Variants in SLC27A2 observed in about 807,000 individuals in gnomAD.
SLC27A2 encodes the protein long-chain fatty acid transport protein 2.
SLC27A2 carries 54 observed loss-of-function variants against 60.0 expected under a neutral mutation model. The ratio of observed to expected loss-of-function variants is 0.90; its 90% CI spans 0.72 to 1.13. The LOEUF (loss-of-function observed/expected upper bound fraction) is 1.13, where lower values mean the gene tolerates loss of function less well. Among genes scored for constraint, SLC27A2 ranks in the 50% most tolerant of loss-of-function variants. SLC27A2 has a pLI of 0.00. For synonymous variants in SLC27A2, 297 were observed against 297.6 expected (o/e 1.00, Z 0.02); for missense variants, 739 against 777.6 (o/e 0.95, Z 0.59).
rs570201343 is a variant in SLC27A2 at position 50,228,124 on chromosome 15, T to G, written c.1458-821T>G. ...CAGGCGTGGTGGCTAACGCCTGTAATCCCAGCAGTTTGGGAGGCCGAGGCG... is the reference window on the plus strand; with the variant it reads ...CAGGCGTGGTGGCTAACGCCTGTAAGCCCAGCAGTTTGGGAGGCCGAGGCG... On this transcript the variant is annotated intron_variant, in intron 7 of 9. Coordinates refer to ENST00000267842, the MANE Select transcript of SLC27A2 (RefSeq NM_003645.4). Among the ~76,000 whole-genome samples, 5 of 152,254 alleles carry G rather than the reference T, an allele frequency of 3.3e-5. No individual in the cohort carries two copies. In the East Asian group the frequency reaches 9.6e-4, roughly 29 times the overall value.
intron 4 of SLC27A2, among the ~76,000 whole-genome samples, chr15:50,216,592 T>TG (rs1209803757): frequency 1.1e-5 from 1 of 89,016 alleles, no homozygotes; most frequent in Admixed American, 1.3e-4. Context: ...ATAAAGAAAC[T>TG]GTGGTGTGTG....
chr15:50,192,802 G>A (rs78273569), intron 1 of SLC27A2, among the ~76,000 whole-genome samples: 35,301 of 100,276 alleles, frequency 0.35, 4,497 homozygotes, highest in Middle Eastern at 0.42. Context: ...AAAAAAAAAA[G>A]AAGAAGAAGT....
intron 4 of SLC27A2, among the ~76,000 whole-genome samples, chr15:50,214,169 G>A (rs2045178682): frequency 6.6e-6 from 1 of 151,948 alleles, no homozygotes; most frequent in South Asian, 2.1e-4. Context: ...ATCATTCAAG[G>A]CTACTATGAA....
intron 7 of SLC27A2, 25 bp from the exon 8 acceptor site, chr15:50,228,920 C>T (rs1328578526): frequency 7.8e-6 from 12 of 1,544,786 alleles, no homozygotes; most frequent in Non-Finnish European, 1.1e-5. Context: ...CCAGTGACCT[C>T]TGCTAACTTT....
intron 9 of SLC27A2, 136 bp from the exon 10 acceptor site, chr15:50,235,783 CT>C: frequency 1.7e-6 from 1 of 577,402 alleles, no homozygotes. Context: ...TTTATTTTAA[CT>C]TTCACTTCCC....
intron 9 of SLC27A2, among the ~76,000 whole-genome samples, chr15:50,234,549 T>C (rs546628758): frequency 1.1e-3 from 162 of 141,562 alleles, no homozygotes; most frequent in African/African-American, 4.2e-3. Context: ...ATCACGCCAC[T>C]GCACTCCAGC....
chr15:50,182,770 C>T lies in SLC27A2; in HGVS notation c.343C>T (p.Pro115Ser), dbSNP rs750261393. ...CGTGGCGCTCCTTATGGGTAACGAG[C>T]CGGCCTACGTGTGGCTGTGGCTGGG... ...DCVALLMGNE[P>S]AYVWLWLGLV... The change falls in exon 1 of 10, where the codon CCG (proline) becomes TCG (serine). Residue 115 changes from proline (P) to serine (S), a missense_variant. Physicochemically the swap from Pro to Ser is moderately conservative, Grantham distance 74. Coordinates refer to ENST00000267842, the MANE Select transcript of SLC27A2 (RefSeq NM_003645.4). 1.9e-6 allele frequency: 3 copies of T among 1,613,870 alleles called. No homozygotes were observed. Among genetic ancestry groups the T allele is most frequent in the Middle Eastern group, 1.6e-4 (1 of 6,062 alleles).
intron 2 of SLC27A2, among the ~76,000 whole-genome samples, chr15:50,199,501 A>G (rs1044791206): frequency 1.3e-5 from 2 of 151,956 alleles, no homozygotes; most frequent in Non-Finnish European, 2.9e-5. Flanking sequence ...AAGAAAGAAA[A>G]AAAAAGAAAA....
At chr15:50,199,380 A>C (rs773034842) in intron 2 of SLC27A2, among the ~76,000 whole-genome samples, 6 of 151,524 alleles carry the variant, frequency 4.0e-5, no homozygotes, top group Non-Finnish European at 1.5e-5. Flanking sequence ...AGGCTGAAGC[A>C]GGAGAATGGC....
intron 1 of SLC27A2, among the ~76,000 whole-genome samples, chr15:50,190,143 A>G (rs1355274600): frequency 1.3e-5 from 2 of 152,242 alleles, no homozygotes; most frequent in Non-Finnish European, 2.9e-5. Flanking sequence ...ATCTTGCTGT[A>G]CAAAATACTG....
intron 5 of SLC27A2, among the ~76,000 whole-genome samples, chr15:50,223,626 G>T (rs972397038): frequency 6.6e-6 from 1 of 152,190 alleles, no homozygotes; most frequent in African/African-American, 2.4e-5. Context: ...CTCAGTGCTA[G>T]GATCTGGTGA....
At position 50,205,376 on chromosome 15, in the gene SLC27A2, C is replaced by T. The variant is rs1484637121; in HGVS notation, c.972+13C>T. 3.1e-6 allele frequency: 5 copies of T among 1,597,014 alleles called. No homozygotes were observed. The highest frequency in any genetic ancestry group is 4.3e-6 in the Non-Finnish European group (5 of 1,168,236). ...CAACTCACCACAGGTAACACTCCCC[C>T]CGTTTTACTATCATTTTGAAATGGG... On this transcript the variant is annotated intron_variant, in intron 4 of 9. Coordinates refer to ENST00000267842, the MANE Select transcript of SLC27A2 (RefSeq NM_003645.4).
At chr15:50,226,414 A>G (rs775336383) in intron 6 of SLC27A2, among the ~76,000 whole-genome samples, 1 of 152,200 alleles carries the variant, frequency 6.6e-6, no homozygotes. Flanking sequence ...TGCATAAATC[A>G]TTATTCAGTA....
At chr15:50,212,638 C>A (rs967583653) in intron 4 of SLC27A2, among the ~76,000 whole-genome samples, 1 of 152,200 alleles carries the variant, frequency 6.6e-6, no homozygotes, top group Non-Finnish European at 1.5e-5. Context: ...CTATCTTCAA[C>A]CACCTCAAAC....
At chr15:50,218,975 T>C (rs2045222740) in intron 4 of SLC27A2, among the ~76,000 whole-genome samples, 1 of 152,148 alleles carries the variant, frequency 6.6e-6, no homozygotes, top group African/African-American at 2.4e-5. Flanking sequence ...AACTTACCAA[T>C]AGAAACTAAG....
At chr15:50,222,822 G>T in intron 4 of SLC27A2, 143 bp from the exon 5 acceptor site, 1 of 643,788 alleles carries the variant, frequency 1.6e-6, no homozygotes, top group African/African-American at 1.9e-5. Context: ...CAGACACTAA[G>T]GGGCATTTAT....
intron 3 of SLC27A2, 85 bp downstream of exon 3, chr15:50,202,730 G>C (rs1452413474): frequency 7.1e-7 from 1 of 1,411,440 alleles, no homozygotes; most frequent in Non-Finnish European, 9.9e-7. Flanking sequence ...TGGCTACGTT[G>C]CTGTCTGCTA....
chr15:50,217,419 A>C (rs1388178672), intron 4 of SLC27A2, among the ~76,000 whole-genome samples: 1 of 152,120 alleles, frequency 6.6e-6, no homozygotes, highest in African/African-American at 2.4e-5. Context: ...AGAGATTAAG[A>C]AAGTATCTAC....
At chr15:50,226,584 T>C (rs1261776727) in intron 6 of SLC27A2, among the ~76,000 whole-genome samples, 2 of 151,910 alleles carry the variant, frequency 1.3e-5, no homozygotes, top group Non-Finnish European at 2.9e-5. Context: ...ATACAAAAAT[T>C]AGCTGGGCAC....
Sources: allele counts gnomAD v4.1 joint callset (sites outside exome capture counted in the v4.1 genomes callset), GRCh38; gene constraint gnomAD v4.1.1; transcripts MANE v1.5; gene names NCBI Gene and HGNC (gene_info 2026-07-23, HGNC 2026-07-21).